NLGN1: variants seen among roughly 807,000 people sequenced by gnomAD.
NLGN1 encodes neuroligin-1.
NLGN1 carries 12 observed loss-of-function variants against 65.5 expected under a neutral mutation model. The observed-to-expected ratio is 0.18, with a 90% CI of 0.12 to 0.30. NLGN1 has a LOEUF of 0.30. NLGN1 is among the 10% of genes least tolerant of loss of function. The pLI is 1.00. For missense variants in NLGN1, 750 were observed against 1,007.1 expected (o/e 0.74, Z 3.46); for synonymous variants, 350 against 359.5 (o/e 0.97, Z 0.30).
chr3:174,179,679 A>G (rs189233762), intron 4 of NLGN1, among the ~76,000 whole-genome samples: 1 of 152,308 alleles, frequency 6.6e-6, no homozygotes, highest in Non-Finnish European at 1.5e-5. Flanking sequence ...AGAGTAGTAT[A>G]TATTTTAGAT....
At chr3:173,895,396 A>G (rs564393619) in intron 4 of NLGN1, among the ~76,000 whole-genome samples, 24 of 152,204 alleles carry the variant, frequency 1.6e-4, no homozygotes, top group African/African-American at 5.6e-4. Flanking sequence ...AAGGAAAGCA[A>G]TGAAACTAAA....
chr3:173,560,546 G>T (rs140148275), intron 2 of NLGN1, among the ~76,000 whole-genome samples: 26 of 151,704 alleles, frequency 1.7e-4, no homozygotes, highest in Middle Eastern at 6.8e-3. Flanking sequence ...TATTATTCTA[G>T]CTTCAAATAC....
intron 4 of NLGN1, among the ~76,000 whole-genome samples, chr3:174,103,974 T>C (rs1339474887): frequency 6.6e-6 from 1 of 152,100 alleles, no homozygotes; most frequent in Non-Finnish European, 1.5e-5. Context: ...TTATCTTTTG[T>C]ATAAAAGCAG....
intron 2 of NLGN1, among the ~76,000 whole-genome samples, chr3:173,461,939 A>G (rs941990962): frequency 2.0e-5 from 3 of 152,168 alleles, no homozygotes; most frequent in South Asian, 4.1e-4. Flanking sequence ...TGACATAGCC[A>G]TGAAAAAGAA....
intron 2 of NLGN1, among the ~76,000 whole-genome samples, chr3:173,447,579 T>A (rs1363743369): frequency 6.6e-6 from 1 of 152,166 alleles, no homozygotes; most frequent in Non-Finnish European, 1.5e-5. Flanking sequence ...AACTTTAGTT[T>A]TTTCCAATTC....
chr3:174,043,075 T>G (rs1410150553), intron 4 of NLGN1, among the ~76,000 whole-genome samples: 2 of 152,124 alleles, frequency 1.3e-5, no homozygotes, highest in Non-Finnish European at 1.5e-5. Context: ...TGCCAGATGT[T>G]TATAAAACCA....
At chr3:174,261,018 G>A (rs1746787082) in intron 4 of NLGN1, among the ~76,000 whole-genome samples, 1 of 151,916 alleles carries the variant, frequency 6.6e-6, no homozygotes, top group Non-Finnish European at 1.5e-5. Flanking sequence ...TATTTCTTAG[G>A]GCTCTGTTCT....
At chr3:174,136,446 T>A (rs1332080264) in intron 4 of NLGN1, 1 of 152,066 alleles carries the variant, frequency 6.6e-6, no homozygotes, top group African/African-American at 2.4e-5. Context: ...TAGGAGAAAA[T>A]TGACACTTAC....
chr3:173,784,598 A>AAGAAAC (rs1373812481), intron 3 of NLGN1, among the ~76,000 whole-genome samples: 1 of 152,064 alleles, frequency 6.6e-6, no homozygotes, highest in Non-Finnish European at 1.5e-5. Flanking sequence ...AAGACAGAGA[A>AAGAAAC]ATAGAGTGAG....
At chr3:173,926,935 C>A (rs1382332760) in intron 4 of NLGN1, among the ~76,000 whole-genome samples, 1 of 152,156 alleles carries the variant, frequency 6.6e-6, no homozygotes, top group African/African-American at 2.4e-5. Context: ...AACTGGAAAG[C>A]CAATTGAGTC....
At chr3:173,762,016 T>G (rs953718291) in intron 3 of NLGN1, among the ~76,000 whole-genome samples, 2 of 152,106 alleles carry the variant, frequency 1.3e-5, no homozygotes, top group Admixed American at 1.3e-4. Context: ...GGCAAGAGTC[T>G]TCTTATAGCC....
chr3:173,431,640 C>T (rs181012796), intron 1 of NLGN1, among the ~76,000 whole-genome samples: 1 of 152,232 alleles, frequency 6.6e-6, no homozygotes, highest in Non-Finnish European at 1.5e-5. Context: ...GCCCTGCCCT[C>T]ATTCTTGCAT....
intron 4 of NLGN1, among the ~76,000 whole-genome samples, chr3:174,215,508 T>G (rs2152799464): frequency 6.6e-6 from 1 of 152,270 alleles, no homozygotes; most frequent in Non-Finnish European, 1.5e-5. Context: ...TGCATATTAG[T>G]AGCATAAATC....
At chr3:173,539,880 A>G (rs921177467) in intron 2 of NLGN1, among the ~76,000 whole-genome samples, 2 of 144,954 alleles carry the variant, frequency 1.4e-5, no homozygotes, top group African/African-American at 5.1e-5. Context: ...TATATCTTAT[A>G]TATATGTTAT....
chr3:173,799,556 A>G (rs1714941549), intron 3 of NLGN1, among the ~76,000 whole-genome samples: 1 of 151,986 alleles, frequency 6.6e-6, no homozygotes, highest in Non-Finnish European at 1.5e-5. Flanking sequence ...TATGAAATAT[A>G]AGCCCTGACT....
At chr3:173,759,408 G>T (rs967444981) in intron 3 of NLGN1, among the ~76,000 whole-genome samples, 1 of 151,840 alleles carries the variant, frequency 6.6e-6, no homozygotes, top group Non-Finnish European at 1.5e-5. Flanking sequence ...CACCAACATG[G>T]TTCATCAATT....
At chr3:174,260,036 A>T (rs548998865) in intron 4 of NLGN1, among the ~76,000 whole-genome samples, 1 of 152,234 alleles carries the variant, frequency 6.6e-6, no homozygotes, top group East Asian at 1.9e-4. Context: ...ATGGCTGCAT[A>T]GTATTCCATG....
At chr3:174,088,718 A>T (rs1743914646) in intron 4 of NLGN1, among the ~76,000 whole-genome samples, 1 of 151,638 alleles carries the variant, frequency 6.6e-6, no homozygotes, top group Admixed American at 6.6e-5. Flanking sequence ...GCGCCACTGC[A>T]CTCCAGCCTG....
At chr3:173,905,415 T>A (rs1398983714) in intron 4 of NLGN1, among the ~76,000 whole-genome samples, 1 of 152,224 alleles carries the variant, frequency 6.6e-6, no homozygotes, top group Non-Finnish European at 1.5e-5. Context: ...TTTCAAGGCT[T>A]CATGCTGGTT....
Sources: allele counts gnomAD v4.1 joint callset (sites outside exome capture counted in the v4.1 genomes callset), GRCh38; gene constraint gnomAD v4.1.1; transcripts MANE v1.5; gene names NCBI Gene and HGNC (gene_info 2026-07-23, HGNC 2026-07-21).